Variants in RSRC1 observed in about 807,000 individuals in gnomAD.
RSRC1 encodes serine/Arginine-related protein 53.
A neutral mutation model predicts 49.1 loss-of-function variants in RSRC1; 39 were observed. The ratio of observed to expected loss-of-function variants is 0.79; its 90% CI spans 0.61 to 1.04. The LOEUF (loss-of-function observed/expected upper bound fraction) is 1.04, where lower values mean the gene tolerates loss of function less well. Among genes scored for constraint, RSRC1 ranks in the 50% least tolerant of loss-of-function variants. RSRC1 has a pLI of 0.00. For synonymous variants in RSRC1, 143 were observed against 130.8 expected, an observed-to-expected ratio of 1.09 and a Z score of -0.63; for missense variants, 388 against 402.4, an observed-to-expected ratio of 0.96 and a Z score of 0.31.
chr3:158,422,188 T>G (rs1003064122), intron 6 of RSRC1, among the ~76,000 whole-genome samples: 3 of 149,516 alleles, frequency 2.0e-5, no homozygotes, highest in African/African-American at 7.3e-5. Flanking sequence ...ACTCATCATC[T>G]AGCATTAGGT....
At chr3:158,111,423 G>A (rs747922618) in intron 1 of RSRC1, among the ~76,000 whole-genome samples, 10 of 152,218 alleles carry the variant, frequency 6.6e-5, no homozygotes, top group Non-Finnish European at 1.2e-4. Context: ...AATTGGAAAA[G>A]TTCTGAAAGC....
At chr3:158,309,280 G>C (rs993766618) in intron 5 of RSRC1, among the ~76,000 whole-genome samples, 48 of 151,838 alleles carry the variant, frequency 3.2e-4, no homozygotes, top group African/African-American at 1.1e-3. Flanking sequence ...TTCATATTCT[G>C]TTTTGTGCAT....
intron 4 of RSRC1, among the ~76,000 whole-genome samples, chr3:158,224,664 C>T (rs899800043): frequency 2.0e-5 from 3 of 151,752 alleles, no homozygotes; most frequent in Non-Finnish European, 4.4e-5. Flanking sequence ...GAATTGGAGT[C>T]TTTTCCTCCC....
At chr3:158,354,982 A>G in intron 6 of RSRC1, 74 bp downstream of exon 6, 1 of 959,050 alleles carries the variant, frequency 1.0e-6, no homozygotes, top group Non-Finnish European at 1.5e-6. Context: ...ATGCTTAGAA[A>G]TGAGTAAAAA....
chr3:158,179,499 A>G (rs1233943038), intron 3 of RSRC1, among the ~76,000 whole-genome samples: 1 of 152,180 alleles, frequency 6.6e-6, no homozygotes, highest in Non-Finnish European at 1.5e-5. Context: ...ATTGTATAGT[A>G]TGTAACCTTT....
chr3:158,329,651 G>T (rs1290825452), intron 5 of RSRC1, among the ~76,000 whole-genome samples: 1 of 152,184 alleles, frequency 6.6e-6, no homozygotes, highest in Non-Finnish European at 1.5e-5. Flanking sequence ...GCCCCTACTG[G>T]GGGGTGCCTC....
intron 4 of RSRC1, among the ~76,000 whole-genome samples, chr3:158,226,899 A>G (rs1722560752): frequency 1.3e-5 from 2 of 151,970 alleles, no homozygotes; most frequent in African/African-American, 2.4e-5. Context: ...AATTTTGTGT[A>G]AAGGGAACTT....
At chr3:158,391,479 C>T (rs1208574410) in intron 6 of RSRC1, among the ~76,000 whole-genome samples, 2 of 152,138 alleles carry the variant, frequency 1.3e-5, no homozygotes, top group African/African-American at 2.4e-5. Flanking sequence ...ATTCAAACAG[C>T]TTGCTAGTAA....
chr3:158,261,135 G>A (rs936304119), intron 4 of RSRC1, among the ~76,000 whole-genome samples: 1 of 152,110 alleles, frequency 6.6e-6, no homozygotes, highest in African/African-American at 2.4e-5. Flanking sequence ...CTCCTATTTG[G>A]CCATCTTGCT....
At chr3:158,281,849 T>C (rs993450955) in intron 4 of RSRC1, among the ~76,000 whole-genome samples, 3 of 152,200 alleles carry the variant, frequency 2.0e-5, no homozygotes, top group Non-Finnish European at 4.4e-5. Context: ...GGTATGTGTA[T>C]AGTTCTCTCT....
chr3:158,470,020 C>T (rs1738054491), intron 7 of RSRC1, among the ~76,000 whole-genome samples: 10 of 151,892 alleles, frequency 6.6e-5, no homozygotes, highest in Admixed American at 6.6e-4. Flanking sequence ...CATTATCATA[C>T]CTCATAATCT....
intron 1 of RSRC1, among the ~76,000 whole-genome samples, chr3:158,113,430 G>A (rs140853423): frequency 0.034 from 5,067 of 149,852 alleles, 97 homozygotes; most frequent in Non-Finnish European, 0.048. Flanking sequence ...GTGCAGTGGT[G>A]CGATCTCGGC....
intron 7 of RSRC1, among the ~76,000 whole-genome samples, chr3:158,468,978 T>C (rs777977135): frequency 6.6e-6 from 1 of 152,184 alleles, no homozygotes; most frequent in Non-Finnish European, 1.5e-5. Context: ...TTATTTGGTA[T>C]ATTACAACTT....
At chr3:158,214,963 T>A (rs1185025344) in intron 4 of RSRC1, among the ~76,000 whole-genome samples, 1 of 151,878 alleles carries the variant, frequency 6.6e-6, no homozygotes, top group African/African-American at 2.4e-5. Context: ...CTTATTTCCA[T>A]CTACTAGTTG....
At chr3:158,190,093 A>C (rs1413876057) in intron 3 of RSRC1, among the ~76,000 whole-genome samples, 1 of 152,060 alleles carries the variant, frequency 6.6e-6, no homozygotes, top group South Asian at 2.1e-4. Flanking sequence ...AATTAAAGCC[A>C]TTGTTTTGCT....
chr3:158,239,080 C>A (rs777891346), intron 4 of RSRC1, among the ~76,000 whole-genome samples: 1 of 151,998 alleles, frequency 6.6e-6, no homozygotes, highest in Non-Finnish European at 1.5e-5. Context: ...CAAAATAAGA[C>A]ATTTATACAG....
chr3:158,517,812 C>T (rs970206550), intron 7 of RSRC1, among the ~76,000 whole-genome samples: 2 of 124,522 alleles, frequency 1.6e-5, no homozygotes, highest in African/African-American at 6.4e-5. Context: ...AGGGTCTGAC[C>T]AGGTTGGTCT....
chr3:158,207,606 G>A (rs1489402217), intron 4 of RSRC1, among the ~76,000 whole-genome samples: 1 of 130,962 alleles, frequency 7.6e-6, no homozygotes, highest in Non-Finnish European at 1.7e-5. Context: ...CTTCACATGG[G>A]AAAACAACCT....
intron 5 of RSRC1, among the ~76,000 whole-genome samples, chr3:158,320,902 A>G (rs1335702760): frequency 2.6e-5 from 4 of 152,204 alleles, no homozygotes; most frequent in Admixed American, 6.5e-5. Flanking sequence ...TGAGGTAAGG[A>G]TGCATCAGAA....
Sources: allele counts gnomAD v4.1 joint callset (sites outside exome capture counted in the v4.1 genomes callset), GRCh38; gene constraint gnomAD v4.1.1; transcripts MANE v1.5; gene names NCBI Gene and HGNC (gene_info 2026-07-23, HGNC 2026-07-21).